Variants in BMPR2 observed in about 807,000 individuals in gnomAD.
BMPR2 encodes the protein bone morphogenetic protein receptor type 2.
Under a neutral mutation model 100.8 loss-of-function variants are expected in BMPR2, and 29 were observed. The observed-to-expected ratio is 0.29, with a 90% confidence interval of 0.21 to 0.39. BMPR2 has a LOEUF of 0.39. Ranked by LOEUF, BMPR2 falls within the 10% of genes least tolerant of loss-of-function variation. The pLI, the probability that BMPR2 is intolerant of heterozygous loss-of-function variation, is 1.00. For missense variants in BMPR2, 1,011 were observed against 1,274.5 expected (o/e 0.79, Z 3.15); for synonymous variants, 382 against 442.3 (o/e 0.86, Z 1.71).
chr2:202,513,774 C>T lies in BMPR2; in HGVS notation c.474C>T (p.Val158=). Residue 158 remains valine (V), a synonymous_variant, in exon 4 of 13, where the codon GTC becomes GTT. Coordinates refer to ENST00000374580, the MANE Select transcript of BMPR2 (RefSeq NM_001204.7). ...CAATAATCATTGCTTTGGCATCAGT[C>T]TCTGTATTAGCTGTTTTGATAGTTG... ...DETIIIALAS[V]SVLAVLIVAL... 1 of 1,613,352 alleles carries T rather than the reference C, an allele frequency of 6.2e-7. No individual in the cohort carries two copies. The highest frequency in any genetic ancestry group is 2.2e-5 in the East Asian group (1 of 44,730).
At chr2:202,526,822 C>T (rs957093922) in intron 7 of BMPR2, among the ~76,000 whole-genome samples, 1 of 152,180 alleles carries the variant, frequency 6.6e-6, no homozygotes, top group African/African-American at 2.4e-5. Context: ...AAACTAAGTA[C>T]ATAGATGCTG....
At chr2:202,479,320 A>G (rs562751400) in intron 3 of BMPR2, among the ~76,000 whole-genome samples, 3 of 152,346 alleles carry the variant, frequency 2.0e-5, no homozygotes, top group African/African-American at 7.2e-5. Flanking sequence ...GCTCAGCGAT[A>G]GATACTGTCT....
At chr2:202,412,325 G>T (rs1691030039) in intron 1 of BMPR2, among the ~76,000 whole-genome samples, 1 of 152,076 alleles carries the variant, frequency 6.6e-6, no homozygotes, top group South Asian at 2.1e-4. Flanking sequence ...ACTTTTGGCA[G>T]ATTCATTCTT....
intron 1 of BMPR2, among the ~76,000 whole-genome samples, chr2:202,416,645 C>T (rs1210238882): frequency 2.0e-5 from 3 of 150,830 alleles, no homozygotes; most frequent in Non-Finnish European, 3.0e-5. Flanking sequence ...GAGATGGTCT[C>T]TATGTCTTGA....
chr2:202,461,627 T>C (rs1692226681), intron 1 of BMPR2, among the ~76,000 whole-genome samples: 1 of 152,210 alleles, frequency 6.6e-6, no homozygotes, highest in African/African-American at 2.4e-5. Context: ...ATAATGCTTA[T>C]AATGACCTGT....
Position 202,531,071 on chromosome 2 carries a change from G to A in BMPR2, c.1128+117G>A. 3 of 1,243,708 alleles carry A rather than the reference G, an allele frequency of 2.4e-6. No homozygotes were observed. In the Admixed American group the frequency reaches 5.8e-5, roughly 24 times the overall value. 77.0% of individuals were successfully genotyped at this position (1,243,708 alleles called of 1,614,324 possible). A position where few individuals can be genotyped will look rare whatever the true frequency, so the allele number is the denominator to read the frequency against. On this transcript the variant is annotated intron_variant, in intron 8 of 12. Coordinates refer to ENST00000374580, the MANE Select transcript of BMPR2 (RefSeq NM_001204.7). ...TAATCCCAGCACTTTGGTAGGCCCA[G>A]GTGGGTGGATCACCTAAGGTAAAGA...
chr2:202,530,748 A>C (rs752300865), intron 7 of BMPR2, 46 bp from the exon 8 acceptor site: 19 of 1,498,294 alleles, frequency 1.3e-5, no homozygotes, highest in Non-Finnish European at 9.2e-7. Context: ...TTCATGTTCA[A>C]TAGTCCCTTT....
At chr2:202,389,023 A>C (rs999015607) in intron 1 of BMPR2, among the ~76,000 whole-genome samples, 3 of 151,896 alleles carry the variant, frequency 2.0e-5, no homozygotes, top group African/African-American at 4.8e-5. Flanking sequence ...TGAGGCCTAG[A>C]GTTCGAGACC....
At chr2:202,472,111 T>C (rs1274898090) in intron 3 of BMPR2, among the ~76,000 whole-genome samples, 4 of 152,212 alleles carry the variant, frequency 2.6e-5, no homozygotes, top group Non-Finnish European at 5.9e-5. Context: ...AGTTAAAATA[T>C]AGCACATCTC....
chr2:202,486,184 C>T (rs894011814), intron 3 of BMPR2, among the ~76,000 whole-genome samples: 2 of 152,148 alleles, frequency 1.3e-5, no homozygotes, highest in Admixed American at 1.3e-4. Flanking sequence ...ATATTTAGAA[C>T]ATATATTGCC....
intron 9 of BMPR2, among the ~76,000 whole-genome samples, chr2:202,533,078 A>G (rs1174557572): frequency 2.0e-5 from 3 of 152,186 alleles, no homozygotes; most frequent in African/African-American, 7.2e-5. Context: ...ATGTTTACTG[A>G]GTTGAACCCA....
intron 1 of BMPR2, among the ~76,000 whole-genome samples, chr2:202,401,789 A>G (rs1690773299): frequency 6.6e-6 from 1 of 152,238 alleles, no homozygotes; most frequent in Non-Finnish European, 1.5e-5. Context: ...CCTCAACATA[A>G]TAATTAACCC....
chr2:202,523,847 C>T (rs565477813), intron 7 of BMPR2, among the ~76,000 whole-genome samples: 4 of 152,170 alleles, frequency 2.6e-5, no homozygotes, highest in Admixed American at 6.6e-5. Flanking sequence ...CATACACCAT[C>T]GAGTACTACA....
At chr2:202,467,724 T>C in intron 3 of BMPR2, 35 bp downstream of exon 3, 2 of 1,576,936 alleles carry the variant, frequency 1.3e-6, no homozygotes, top group Non-Finnish European at 1.7e-6. Flanking sequence ...TTGTATTTCC[T>C]TTCTCCAAAG....
At chr2:202,428,895 A>C (rs1261295073) in intron 1 of BMPR2, among the ~76,000 whole-genome samples, 3 of 152,158 alleles carry the variant, frequency 2.0e-5, no homozygotes, top group African/African-American at 7.2e-5. Context: ...GCATGTGCCC[A>C]TAGTGTTACT....
chr2:202,536,797 G>A (rs13023920), intron 9 of BMPR2, among the ~76,000 whole-genome samples: 4 of 151,174 alleles, frequency 2.6e-5, no homozygotes, highest in Non-Finnish European at 4.4e-5. Flanking sequence ...GCTTGAACCC[G>A]GGAGGCAGAG....
chr2:202,385,769 C>G (rs554201030), intron 1 of BMPR2, among the ~76,000 whole-genome samples: 1 of 150,108 alleles, frequency 6.7e-6, no homozygotes, highest in South Asian at 2.1e-4. Flanking sequence ...TATATGTGAT[C>G]TTAATAACTA....
intron 7 of BMPR2, among the ~76,000 whole-genome samples, chr2:202,526,259 T>G (rs944788910): frequency 6.6e-6 from 1 of 152,202 alleles, no homozygotes; most frequent in African/African-American, 2.4e-5. Flanking sequence ...TATAATTGTG[T>G]CTTTGTGCTT....
At chr2:202,448,168 G>A (rs1199907286) in intron 1 of BMPR2, among the ~76,000 whole-genome samples, 2 of 149,984 alleles carry the variant, frequency 1.3e-5, no homozygotes, top group African/African-American at 5.0e-5. Flanking sequence ...ACAGAGTGTT[G>A]GCCAGGCGCG....
Sources: allele counts gnomAD v4.1 joint callset (sites outside exome capture counted in the v4.1 genomes callset), GRCh38; gene constraint gnomAD v4.1.1; transcripts MANE v1.5; gene names NCBI Gene and HGNC (gene_info 2026-07-23, HGNC 2026-07-21).